The following PTCSC3 variants were observed in gnomAD, a reference collection of about 807,000 sequenced individuals.
PTCSC3 encodes the protein papillary thyroid carcinoma susceptibility candidate 3, also known as papillary thyroid carcinoma susceptibility candidate 3 (non-protein coding).
At position 36,137,314 on chromosome 14, in the gene PTCSC3, A is replaced by C. The variant is rs73245294; in HGVS notation, n.323-958T>G. On this transcript the variant is annotated intron_variant and non_coding_transcript_variant, in intron 3 of 3. Transcript: ENST00000556013. The stretch of plus-strand genomic sequence containing the variant: ...CAGAATGCAAGGGAAGAACAATAGA[A>C]TATGAGATCGTAGAGATATCAAGGG... 4.7e-3 allele frequency among the ~76,000 whole-genome samples: 713 copies of C among 152,314 alleles called. 3 individuals carry two copies. The highest frequency in any genetic ancestry group is 0.016 in the African/African-American group (675 of 41,570).
intron 2 of PTCSC3, among the ~76,000 whole-genome samples, chr14:36,159,620 A>G (rs1269249406): frequency 6.6e-6 from 1 of 152,148 alleles, no homozygotes; most frequent in East Asian, 1.9e-4. Flanking sequence ...GTTTGTTATG[A>G]TTTCCATTCT....
chr14:36,142,822 A>T (rs1262442949), intron 3 of PTCSC3, among the ~76,000 whole-genome samples: 1 of 100,542 alleles, frequency 9.9e-6, no homozygotes, highest in Non-Finnish European at 1.9e-5. Context: ...CCCACCCCAC[A>T]ACAGTCCCCA....
intron 3 of PTCSC3, among the ~76,000 whole-genome samples, chr14:36,146,445 TTG>T (rs1173873528): frequency 1.3e-5 from 2 of 151,456 alleles, no homozygotes; most frequent in Non-Finnish European, 2.9e-5. Flanking sequence ...TTGATCTTTG[TTG>T]GTTTAAAGTC....
chr14:36,143,996 C>A (rs1881493072), intron 3 of PTCSC3, among the ~76,000 whole-genome samples: 1 of 152,162 alleles, frequency 6.6e-6, no homozygotes, highest in African/African-American at 2.4e-5. Flanking sequence ...TCTGAGGGCT[C>A]TGTTCTGTTC....
intron 3 of PTCSC3, among the ~76,000 whole-genome samples, chr14:36,147,962 A>C (rs1394643726): frequency 2.0e-5 from 3 of 152,054 alleles, no homozygotes; most frequent in Admixed American, 6.5e-5. Context: ...GGTGCCTCCC[A>C]GTTAGACTGC....
At chr14:36,165,487 C>G (rs928930051) in intron 1 of PTCSC3, among the ~76,000 whole-genome samples, 1 of 151,946 alleles carries the variant, frequency 6.6e-6, no homozygotes, top group Non-Finnish European at 1.5e-5. Flanking sequence ...TTATTTACCC[C>G]CAGCATAATG....
chr14:36,167,435 T>C (rs944954071), intron 1 of PTCSC3, among the ~76,000 whole-genome samples: 1 of 152,164 alleles, frequency 6.6e-6, no homozygotes, highest in African/African-American at 2.4e-5. Context: ...AAACATACAA[T>C]TTTATTTACA....
At chr14:36,151,008 C>G (rs891155718) in intron 3 of PTCSC3, among the ~76,000 whole-genome samples, 6 of 152,164 alleles carry the variant, frequency 3.9e-5, no homozygotes, top group African/African-American at 1.4e-4. Context: ...AGTTTCTCAC[C>G]TATATCATTT....
intron 3 of PTCSC3, among the ~76,000 whole-genome samples, chr14:36,138,383 A>G (rs1345750758): frequency 6.6e-6 from 1 of 152,238 alleles, no homozygotes; most frequent in East Asian, 1.9e-4. Flanking sequence ...CTCTTCAAAT[A>G]CACTGTTAAG....
At chr14:36,169,362 G>A (rs1882152896) in intron 1 of PTCSC3, among the ~76,000 whole-genome samples, 1 of 152,100 alleles carries the variant, frequency 6.6e-6, no homozygotes, top group African/African-American at 2.4e-5. Flanking sequence ...ATTATTCGTG[G>A]TGTCTCAGAT....
At chr14:36,162,183 T>G (rs1314353027) in intron 2 of PTCSC3, among the ~76,000 whole-genome samples, 2 of 145,168 alleles carry the variant, frequency 1.4e-5, no homozygotes, top group Non-Finnish European at 3.0e-5. Flanking sequence ...ACAACTTGGC[T>G]CCCTGGCTTC....
intron 3 of PTCSC3, among the ~76,000 whole-genome samples, chr14:36,147,333 C>G (rs376621085): frequency 1.3e-5 from 2 of 152,260 alleles, no homozygotes; most frequent in Admixed American, 1.3e-4. Flanking sequence ...TTCACATAGT[C>G]CCATATTTCT....
chr14:36,139,119 T>TCAAAAAA (rs1881358194), intron 3 of PTCSC3, among the ~76,000 whole-genome samples: 1 of 106,600 alleles, frequency 9.4e-6, no homozygotes, highest in African/African-American at 4.1e-5. Context: ...ATCTCAAAAA[T>TCAAAAAA]AAAAAAAAAA....
rs201748909 is a variant in PTCSC3, at chr14:36,150,934, A to AT, written n.322+2869dup. On this transcript the variant is annotated intron_variant and non_coding_transcript_variant, in intron 3 of 3. Coordinates refer to ENST00000556013, the Ensembl canonical transcript of PTCSC3. ...TACATAAGATATGAATAAGAAAGGT[A>AT]TTTTTTTAAAAAAACCTTCCTTTAT... Among the ~76,000 whole-genome samples, 750 of 95,206 alleles carry AT rather than the reference A, an allele frequency of 7.9e-3. 5 individuals are homozygous for AT. Among genetic ancestry groups the AT allele is most frequent in the African/African-American group, 0.011 (368 of 32,326 alleles). 62.5% of individuals were successfully genotyped at this position (95,206 alleles called of 152,430 possible).
At chr14:36,154,757 T>G (rs982352218) in intron 2 of PTCSC3, among the ~76,000 whole-genome samples, 9 of 152,142 alleles carry the variant, frequency 5.9e-5, no homozygotes, top group African/African-American at 1.9e-4. Context: ...GGCAAGGAGC[T>G]GGGGAAGTTC....
chr14:36,158,730 T>G (rs570980617), intron 2 of PTCSC3, among the ~76,000 whole-genome samples: 4 of 152,314 alleles, frequency 2.6e-5, no homozygotes, highest in African/African-American at 9.6e-5. Context: ...TGGTTGTGTC[T>G]CTGCCAGGTT....
chr14:36,161,407 G>A (rs1419568934), intron 2 of PTCSC3, among the ~76,000 whole-genome samples: 1 of 152,036 alleles, frequency 6.6e-6, no homozygotes, highest in East Asian at 1.9e-4. Context: ...GGGGTTTTCT[G>A]TGTCTGGACA....
In PTCSC3 at chr14:36,146,656, G is replaced by A. The variant is rs1252551073; in HGVS notation, n.322+7148C>T. 1.8e-3 allele frequency among the ~76,000 whole-genome samples: 268 copies of A among 151,712 alleles called. 2 individuals are homozygous for A. Among genetic ancestry groups the A allele is most frequent in the African/African-American group, 5.6e-3 (231 of 41,324 alleles). On this transcript the variant is annotated intron_variant and non_coding_transcript_variant, in intron 3 of 3. Coordinates refer to ENST00000556013, the Ensembl canonical transcript of PTCSC3. ...GTGTTTTAATTGGAGCATTTAGTCC[G>A]TTTACATTTAAAGTTAATATTGTTA...
chr14:36,165,077 C>CTACT (rs1882058867), intron 1 of PTCSC3: 2 of 152,386 alleles, frequency 1.3e-5, no homozygotes, highest in Admixed American at 1.3e-4. Flanking sequence ...GGTCCATTGA[C>CTACT]TACTTCTCAC....
Sources: allele counts gnomAD v4.1 joint callset (sites outside exome capture counted in the v4.1 genomes callset), GRCh38; gene constraint gnomAD v4.1.1; transcripts MANE v1.5; gene names NCBI Gene and HGNC (gene_info 2026-07-23, HGNC 2026-07-21).